TMOD1: variants seen among roughly 807,000 people sequenced by gnomAD.
The protein encoded by TMOD1 is tropomodulin 1.
Under a neutral mutation model 40.6 loss-of-function variants are expected in TMOD1, and 17 were observed. That is an observed-to-expected ratio of 0.42 (90% confidence interval 0.29 to 0.63). The LOEUF is 0.63. Among genes scored for constraint, TMOD1 ranks in the 20% least tolerant of loss-of-function variants. TMOD1 has a pLI of 0.22. For synonymous variants in TMOD1, 181 were observed against 175.0 expected, an observed-to-expected ratio of 1.03 and a Z score of -0.27; for missense variants, 391 against 447.6, an observed-to-expected ratio of 0.87 and a Z score of 1.14.
chr9:97,547,704 C>A (rs1830387698), intron 3 of TMOD1, among the ~76,000 whole-genome samples: 1 of 152,224 alleles, frequency 6.6e-6, no homozygotes, highest in Admixed American at 6.5e-5. Flanking sequence ...GACAGGCAGT[C>A]CCTCTCCAAC....
At chr9:97,599,581 G>A in intron 9 of TMOD1, 53 bp from the exon 10 acceptor site, 2 of 1,608,986 alleles carry the variant, frequency 1.2e-6, no homozygotes, top group Non-Finnish European at 8.5e-7. Flanking sequence ...AACAGTGCTG[G>A]CCCCTGGTCT....
At chr9:97,526,075 GAATGTT>G (rs1053083464) in intron 2 of TMOD1, among the ~76,000 whole-genome samples, 3 of 152,220 alleles carry the variant, frequency 2.0e-5, no homozygotes, top group African/African-American at 7.2e-5. Flanking sequence ...GCCTTCTGGA[GAATGTT>G]GCCCCGGCCT....
intron 1 of TMOD1, among the ~76,000 whole-genome samples, chr9:97,507,643 AGT>A (rs1342242664): frequency 1.3e-5 from 2 of 152,248 alleles, no homozygotes; most frequent in African/African-American, 4.8e-5. Flanking sequence ...CCTATTCAAA[AGT>A]CCGGGTTAAG....
At chr9:97,543,981 C>A (rs1165169559) in intron 2 of TMOD1, among the ~76,000 whole-genome samples, 3 of 152,170 alleles carry the variant, frequency 2.0e-5, no homozygotes, top group African/African-American at 7.2e-5. Context: ...GTCAGTCAGG[C>A]CTTGATTTTC....
At chr9:97,541,529 T>A (rs79653265) in intron 2 of TMOD1, among the ~76,000 whole-genome samples, 2,478 of 151,828 alleles carry the variant, frequency 0.016, 129 homozygotes, top group East Asian at 0.14. Flanking sequence ...TTTTTATTTT[T>A]TTTTTTGAGA....
chr9:97,601,068 G>T lies in TMOD1; in HGVS notation c.*1370G>T, dbSNP rs983369293. The T allele has an allele frequency of 7.7e-7, 1 of 1,304,154 alleles. No homozygotes were observed. Among genetic ancestry groups the T allele is most frequent in the Non-Finnish European group, 1.0e-6 (1 of 988,956 alleles). 80.8% of individuals were successfully genotyped at this position (1,304,154 alleles called of 1,614,324 possible). ...ACTGTAAGGCAGTGGGCAGTACAGG[G>T]TAACTGGAGGCGGGGCCAGGGCCTC... is the stretch of plus-strand genomic sequence containing the variant. On this transcript the variant is annotated 3_prime_UTR_variant, in exon 10 of 10. Coordinates refer to ENST00000259365, the MANE Select transcript of TMOD1 (RefSeq NM_003275.4).
rs41274246 is a variant in TMOD1 at position 97,553,493 on chromosome 9, C to T, written c.397+93C>T. ...GTAGGGCTCATTTCAGCATGAACAC[C>T]TTCTCTATTTCTAACAAGAACTAGA... is the stretch of plus-strand genomic sequence containing the variant. On this transcript the variant is annotated intron_variant, in intron 4 of 9. Transcript: ENST00000259365. 3.9e-3 allele frequency: 5,953 copies of T among 1,527,406 alleles called. 197 individuals are homozygous for T. In the African/African-American group the frequency reaches 0.07, roughly 18 times the overall value. The allele number at this position is 1,527,406 out of a possible 1,614,324, so 94.6% of individuals were successfully genotyped here.
chr9:97,575,674 G>A (rs1056858758), intron 8 of TMOD1, among the ~76,000 whole-genome samples: 3 of 152,200 alleles, frequency 2.0e-5, no homozygotes, highest in East Asian at 1.9e-4. Flanking sequence ...AATTGGCTCC[G>A]TCAAATGTCC....
chr9:97,539,613 A>G (rs1044306760), intron 2 of TMOD1, among the ~76,000 whole-genome samples: 2 of 152,180 alleles, frequency 1.3e-5, no homozygotes, highest in African/African-American at 4.8e-5. Flanking sequence ...AACATATGCC[A>G]TTTAAAAAAA....
intron 2 of TMOD1, among the ~76,000 whole-genome samples, chr9:97,536,502 T>A (rs1053991911): frequency 6.6e-6 from 1 of 152,158 alleles, no homozygotes; most frequent in Non-Finnish European, 1.5e-5. Flanking sequence ...GGTTTCTCCA[T>A]GTGTAAACTG....
chr9:97,547,024 C>G (rs1210177690), intron 3 of TMOD1, among the ~76,000 whole-genome samples: 1 of 151,872 alleles, frequency 6.6e-6, no homozygotes, highest in African/African-American at 2.4e-5. Context: ...CTAACCATCT[C>G]CACCCAGATT....
In TMOD1 at chr9:97,502,536, G is replaced by A. The variant is rs1254942785; in HGVS notation, c.-49+733G>A. 1.3e-5 allele frequency among the ~76,000 whole-genome samples: 2 copies of A among 152,154 alleles called. No individual in the cohort carries two copies. The highest frequency in any genetic ancestry group is 2.9e-5 in the Non-Finnish European group (2 of 68,026). ...TGTAGGGGCGAGGTTTGGTAGCCGCGATGGAGCTGGGAGCCCAAGCCCTGA... is the reference window on the plus strand; with the variant it reads ...TGTAGGGGCGAGGTTTGGTAGCCGCAATGGAGCTGGGAGCCCAAGCCCTGA... On this transcript the variant is annotated intron_variant, in intron 1 of 9. Coordinates refer to ENST00000259365, the MANE Select transcript of TMOD1 (RefSeq NM_003275.4). The surrounding 1 kb of genome is among the most constrained non-coding windows in gnomAD (Gnocchi z 6.1).
At chr9:97,562,482 G>A (rs77682387) in intron 4 of TMOD1, among the ~76,000 whole-genome samples, 7,231 of 152,308 alleles carry the variant, frequency 0.047, 251 homozygotes, top group Non-Finnish European at 0.069. Context: ...GTTTGGCCAC[G>A]TTGAGCTGGA....
intron 4 of TMOD1, among the ~76,000 whole-genome samples, chr9:97,553,602 A>G (rs1446462498): frequency 6.6e-6 from 1 of 152,192 alleles, no homozygotes; most frequent in African/African-American, 2.4e-5. Flanking sequence ...AACCCACCAC[A>G]CCAGGGAGCC....
At chr9:97,570,627 G>C (rs1830803299) in intron 8 of TMOD1, among the ~76,000 whole-genome samples, 2 of 151,972 alleles carry the variant, frequency 1.3e-5, no homozygotes, top group South Asian at 4.1e-4. Context: ...CTCTTCCTCT[G>C]GGCTCCCCTA....
intron 1 of TMOD1, among the ~76,000 whole-genome samples, chr9:97,507,158 G>A (rs1829603667): frequency 6.6e-6 from 1 of 152,114 alleles, no homozygotes; most frequent in South Asian, 2.1e-4. Flanking sequence ...GCTCTTTCTG[G>A]TCAGCAAACT....
intron 9 of TMOD1, 54 bp downstream of exon 9, chr9:97,591,489 T>C: frequency 1.3e-6 from 2 of 1,566,984 alleles, no homozygotes; most frequent in South Asian, 2.3e-5. Context: ...TCCCTCCACC[T>C]GTGCTGGGGA....
At chr9:97,522,285 TG>T (rs144532194) in intron 1 of TMOD1, among the ~76,000 whole-genome samples, 14 of 152,306 alleles carry the variant, frequency 9.2e-5, no homozygotes, top group Non-Finnish European at 1.9e-4. Context: ...TTCCTTGGCT[TG>T]TAGTAGCATC....
intron 8 of TMOD1, among the ~76,000 whole-genome samples, chr9:97,590,000 A>G (rs1028091975): frequency 6.6e-6 from 1 of 152,046 alleles, no homozygotes; most frequent in Non-Finnish European, 1.5e-5. Context: ...CATTATGTAT[A>G]TATATGGAAA....
Sources: allele counts gnomAD v4.1 joint callset (sites outside exome capture counted in the v4.1 genomes callset), GRCh38; gene constraint gnomAD v4.1.1; non-coding constraint Gnocchi (gnomAD v3.1); transcripts MANE v1.5; gene names NCBI Gene and HGNC (gene_info 2026-07-23, HGNC 2026-07-21).